Variants in SGCZ observed in about 807,000 individuals in gnomAD.
SGCZ encodes zeta-sarcoglycan.
In SGCZ, 40 loss-of-function variants were observed where a neutral mutation model predicts 41.3. That is an observed-to-expected ratio of 0.97 (90% CI 0.75 to 1.26). The LOEUF (loss-of-function observed/expected upper bound fraction) is 1.26. Ranked by LOEUF, SGCZ falls within the 50% of genes most tolerant of loss-of-function variation. The pLI is 0.00. For missense variants in SGCZ, 552 were observed against 369.8 expected, an observed-to-expected ratio of 1.49 and a Z score of -4.04; for synonymous variants, 206 against 137.5, an observed-to-expected ratio of 1.50 and a Z score of -3.49.
chr8:14,163,919 G>A (rs920651156), intron 5 of SGCZ, among the ~76,000 whole-genome samples: 1 of 152,074 alleles, frequency 6.6e-6, no homozygotes, highest in Non-Finnish European at 1.5e-5. Flanking sequence ...TGTTAAATGT[G>A]TTATCAAAAT....
chr8:14,155,970 G>T (rs1358698449), intron 5 of SGCZ, among the ~76,000 whole-genome samples: 1 of 152,012 alleles, frequency 6.6e-6, no homozygotes, highest in Non-Finnish European at 1.5e-5. Context: ...TCTAAACACA[G>T]AAAAGGTACA....
At chr8:14,819,565 G>T (rs1802011737) in intron 1 of SGCZ, among the ~76,000 whole-genome samples, 1 of 152,110 alleles carries the variant, frequency 6.6e-6, no homozygotes, top group South Asian at 2.1e-4. Context: ...AAAGATAAAT[G>T]TATAATTCAA....
chr8:14,336,824 G>A (rs771745945), intron 2 of SGCZ, among the ~76,000 whole-genome samples: 1 of 152,016 alleles, frequency 6.6e-6, no homozygotes, highest in Non-Finnish European at 1.5e-5. Context: ...CTTCTGTTGT[G>A]CTCCTTACCT....
At chr8:14,131,285 T>G (rs1168697723) in intron 5 of SGCZ, among the ~76,000 whole-genome samples, 1 of 152,134 alleles carries the variant, frequency 6.6e-6, no homozygotes, top group East Asian at 1.9e-4. Flanking sequence ...TGCCACATCA[T>G]TTCCCTGTCA....
intron 1 of SGCZ, among the ~76,000 whole-genome samples, chr8:14,680,209 T>C (rs1808398576): frequency 6.6e-6 from 1 of 152,006 alleles, no homozygotes. Flanking sequence ...GGGGTAGAGA[T>C]AAACAGGCAA....
intron 1 of SGCZ, among the ~76,000 whole-genome samples, chr8:14,682,913 C>T (rs891964735): frequency 5.3e-5 from 8 of 152,238 alleles, no homozygotes; most frequent in African/African-American, 1.9e-4. Flanking sequence ...GCATAGATGA[C>T]ATTTGCCGGC....
At chr8:14,659,220 C>G (rs1224693433) in intron 1 of SGCZ, among the ~76,000 whole-genome samples, 2 of 152,114 alleles carry the variant, frequency 1.3e-5, no homozygotes, top group African/African-American at 4.8e-5. Flanking sequence ...GTAGTATATA[C>G]TTCAAGACAG....
At chr8:14,778,969 C>T (rs1800498789) in intron 1 of SGCZ, among the ~76,000 whole-genome samples, 1 of 152,152 alleles carries the variant, frequency 6.6e-6, no homozygotes, top group Admixed American at 6.5e-5. Flanking sequence ...CATTCCTAGA[C>T]ATATGTGCAA....
At chr8:14,222,485 G>C (rs187942200) in intron 4 of SGCZ, among the ~76,000 whole-genome samples, 3 of 151,916 alleles carry the variant, frequency 2.0e-5, no homozygotes, top group Admixed American at 2.0e-4. Flanking sequence ...TTTTGTTTTA[G>C]GGGGTGTTGA....
chr8:14,998,806 C>A (rs1453585109), intron 1 of SGCZ, among the ~76,000 whole-genome samples: 1 of 152,248 alleles, frequency 6.6e-6, no homozygotes, highest in Admixed American at 6.5e-5. Context: ...CTATATATAA[C>A]TATTTATTCT....
At chr8:14,491,882 TGAAGC>T (rs1169572973) in intron 2 of SGCZ, among the ~76,000 whole-genome samples, 3 of 152,158 alleles carry the variant, frequency 2.0e-5, no homozygotes, top group Admixed American at 1.3e-4. Context: ...AAAATATGTC[TGAAGC>T]CTGGATACTG....
intron 1 of SGCZ, among the ~76,000 whole-genome samples, chr8:14,997,515 G>A (rs1482275057): frequency 6.6e-6 from 1 of 152,130 alleles, no homozygotes; most frequent in Non-Finnish European, 1.5e-5. Context: ...CAAAATTTAT[G>A]CAAAGATCAT....
chr8:14,421,397 T>C (rs1419362697), intron 2 of SGCZ, among the ~76,000 whole-genome samples: 1 of 152,140 alleles, frequency 6.6e-6, no homozygotes, highest in Non-Finnish European at 1.5e-5. Context: ...TTTTGTAAAA[T>C]GCATGATATA....
At chr8:14,489,921 C>G (rs963951275) in intron 2 of SGCZ, among the ~76,000 whole-genome samples, 27 of 143,832 alleles carry the variant, frequency 1.9e-4, no homozygotes, top group African/African-American at 6.4e-4. Context: ...GACTGGAGTA[C>G]AAGTGGCACG....
At chr8:14,993,065 A>C (rs1802077304) in intron 1 of SGCZ, among the ~76,000 whole-genome samples, 2 of 152,062 alleles carry the variant, frequency 1.3e-5, no homozygotes, top group South Asian at 4.1e-4. Flanking sequence ...AACTAGTGTT[A>C]ATCTTTATAT....
chr8:14,255,899 C>T (rs1476681275), intron 3 of SGCZ, among the ~76,000 whole-genome samples: 1 of 152,100 alleles, frequency 6.6e-6, no homozygotes, highest in Non-Finnish European at 1.5e-5. Flanking sequence ...GACAATAGCC[C>T]AATTAGATAC....
In SGCZ at chr8:14,683,411, G is replaced by A. The variant is rs192665074; in HGVS notation, c.40-128485C>T. 4.8e-4 allele frequency among the ~76,000 whole-genome samples: 73 copies of A among 151,924 alleles called. No homozygotes were observed. In the East Asian group the frequency reaches 0.014, roughly 28 times the overall value. ...ATATAAAAAAAGAATTTAAGAATTG[G>A]AAAAAACTAAAAATTAGAATATTTA... On this transcript the variant is annotated intron_variant, in intron 1 of 7. Transcript: ENST00000382080.
At chr8:14,511,489 C>T (rs1424536267) in intron 2 of SGCZ, among the ~76,000 whole-genome samples, 2 of 151,864 alleles carry the variant, frequency 1.3e-5, no homozygotes, top group African/African-American at 4.8e-5. Flanking sequence ...AAATGTGGTA[C>T]AATGCCAAAA....
chr8:14,139,059 G>T (rs911386381), intron 5 of SGCZ, among the ~76,000 whole-genome samples: 1 of 152,026 alleles, frequency 6.6e-6, no homozygotes, highest in Admixed American at 6.6e-5. Flanking sequence ...GCACAATTAC[G>T]TGGAAACTGA....
Sources: allele counts gnomAD v4.1 joint callset (sites outside exome capture counted in the v4.1 genomes callset), GRCh38; gene constraint gnomAD v4.1.1; transcripts MANE v1.5; gene names NCBI Gene and HGNC (gene_info 2026-07-23, HGNC 2026-07-21).